The following SDK1 variants were observed in gnomAD, a reference collection of about 807,000 sequenced individuals.
SDK1 encodes protein sidekick-1.
SDK1 carries 157 observed loss-of-function variants against 245.5 expected under a neutral mutation model. The observed-to-expected ratio is 0.64, with a 90% CI of 0.56 to 0.73. The LOEUF is 0.73. Ranked by LOEUF, SDK1 falls within the 30% of genes least tolerant of loss-of-function variation. The probability of loss-of-function intolerance (pLI) is 0.00; values close to 1 mark genes in which losing one functional copy is unlikely to be tolerated. For missense variants in SDK1, 3,583 were observed against 3,002.3 expected, an observed-to-expected ratio of 1.19 and a Z score of -4.52; for synonymous variants, 1,647 against 1,278.5, an observed-to-expected ratio of 1.29 and a Z score of -6.15.
chr7:3,778,520 G>C (rs1165530948), intron 4 of SDK1, among the ~76,000 whole-genome samples: 2 of 152,184 alleles, frequency 1.3e-5, no homozygotes, highest in Non-Finnish European at 2.9e-5. Flanking sequence ...TCATCTAACA[G>C]TTATTTCTAC....
At chr7:3,841,429 G>A (rs181734200) in intron 5 of SDK1, among the ~76,000 whole-genome samples, 2 of 152,216 alleles carry the variant, frequency 1.3e-5, no homozygotes, top group African/African-American at 4.8e-5. Flanking sequence ...TTGCTTGGCA[G>A]CACAGAACTG....
intron 41 of SDK1, among the ~76,000 whole-genome samples, chr7:4,237,253 A>G (rs1051303143): frequency 6.6e-6 from 1 of 151,750 alleles, no homozygotes; most frequent in Non-Finnish European, 1.5e-5. Flanking sequence ...ATCTCACTAC[A>G]TTGCACTGGA....
At position 3,678,286 on chromosome 7, in the gene SDK1, T is replaced by G. The variant is rs73043770; in HGVS notation, c.713+36181T>G. On this transcript the variant is annotated intron_variant, in intron 4 of 44. Transcript: ENST00000404826. ...CATCTAGGTATATACCCCAAATAAT[T>G]GAAAGCAGAGACCTAAACAGACCTT... Among the ~76,000 whole-genome samples the G allele has an allele frequency of 2.0e-4, 30 of 152,198 alleles. No individual in the cohort carries two copies. In the South Asian group the frequency reaches 5.2e-3, roughly 26 times the overall value.
chr7:3,523,787 T>C (rs1783024925), intron 1 of SDK1, among the ~76,000 whole-genome samples: 1 of 152,252 alleles, frequency 6.6e-6, no homozygotes. Flanking sequence ...GGTTAATTTT[T>C]TAAATATTCT....
At chr7:3,808,542 G>A (rs996705727) in intron 4 of SDK1, among the ~76,000 whole-genome samples, 8 of 152,202 alleles carry the variant, frequency 5.3e-5, no homozygotes, top group South Asian at 4.1e-4. Context: ...GACCTGCACC[G>A]TGAGGCAGAA....
intron 5 of SDK1, among the ~76,000 whole-genome samples, chr7:3,847,998 G>A (rs189018971): frequency 1.7e-3 from 266 of 152,228 alleles, no homozygotes; most frequent in Middle Eastern, 6.8e-3. Context: ...TGCAACATAC[G>A]TATCACATCT....
chr7:3,619,258 A>C lies in SDK1; in HGVS notation c.458+19A>C, dbSNP rs1781862468. On this transcript the variant is annotated intron_variant, in intron 2 of 44. Transcript: ENST00000404826. ...AATATAAGTAATTGATCGCTTGAAAAAATAAGATCCCATTTCAGTTGATGT... is the reference window on the plus strand; with the variant it reads ...AATATAAGTAATTGATCGCTTGAAACAATAAGATCCCATTTCAGTTGATGT... 1.3e-6 allele frequency: 2 copies of C among 1,588,998 alleles called. No individual in the cohort carries two copies. The highest frequency in any genetic ancestry group is 1.7e-4 in the Middle Eastern group (1 of 6,000).
Position 3,957,239 on chromosome 7 carries a change from G to A in SDK1, c.1151-1692G>A, listed in dbSNP as rs571712015. Among the ~76,000 whole-genome samples the A allele has an allele frequency of 1.7e-3, 259 of 152,306 alleles. 1 individual carries two copies. The highest frequency in any genetic ancestry group is 6.0e-3 in the African/African-American group (248 of 41,560). On this transcript the variant is annotated intron_variant, in intron 7 of 44. Coordinates refer to ENST00000404826, the MANE Select transcript of SDK1 (RefSeq NM_152744.4). Reference sequence around the variant, plus strand: ...CTGATGGACACGTGGACCTACACACGTAATAATGTTGCATGGGACGTGCAT... The same window carrying A: ...CTGATGGACACGTGGACCTACACACATAATAATGTTGCATGGGACGTGCAT...
intron 25 of SDK1, among the ~76,000 whole-genome samples, chr7:4,120,882 C>T (rs560246811): frequency 8.7e-5 from 13 of 150,106 alleles, no homozygotes; most frequent in South Asian, 2.1e-4. Context: ...TCCCAAGGTG[C>T]TGGGATTACA....
At chr7:3,418,145 G>GCAAAAAAAAAAAGAAAAAAA (rs1292199670) in intron 1 of SDK1, among the ~76,000 whole-genome samples, 1 of 119,726 alleles carries the variant, frequency 8.4e-6, no homozygotes, top group African/African-American at 3.9e-5. Context: ...TACTAAAAAT[G>GCAAAAAAAAAAAGAAAAAAA]AAAAAAAAAA....
intron 5 of SDK1, among the ~76,000 whole-genome samples, chr7:3,874,523 C>A (rs977665037): frequency 2.0e-5 from 3 of 152,136 alleles, no homozygotes; most frequent in Non-Finnish European, 4.4e-5. Context: ...GACAAGTGTT[C>A]CTGCTCCTTC....
intron 1 of SDK1, among the ~76,000 whole-genome samples, chr7:3,537,958 G>C (rs542987153): frequency 6.6e-6 from 1 of 152,348 alleles, no homozygotes; most frequent in East Asian, 1.9e-4. Flanking sequence ...TGCTCCTCCA[G>C]GGTGGAGAGG....
intron 16 of SDK1, 58 bp from the exon 17 acceptor site, chr7:4,017,113 A>G: frequency 1.3e-6 from 2 of 1,513,982 alleles, no homozygotes; most frequent in Non-Finnish European, 1.8e-6. Context: ...ACTGCGGGTA[A>G]ACACCGTTCC....
chr7:3,543,884 A>T (rs994008174), intron 1 of SDK1, among the ~76,000 whole-genome samples: 2 of 152,232 alleles, frequency 1.3e-5, no homozygotes, highest in African/African-American at 2.4e-5. Context: ...TTGATAGTAC[A>T]AACACCAACA....
intron 44 of SDK1, among the ~76,000 whole-genome samples, chr7:4,262,715 C>A (rs1243038356): frequency 7.2e-6 from 1 of 138,586 alleles, no homozygotes; most frequent in Non-Finnish European, 1.6e-5. Context: ...TCACCTCCCC[C>A]ATCCCCTCCC....
chr7:4,110,829 G>A, intron 23 of SDK1, 57 bp downstream of exon 23: 2 of 1,222,574 alleles, frequency 1.6e-6, no homozygotes, highest in South Asian at 1.2e-5. Context: ...CCAGGCAGGT[G>A]CCTTCTGTTG....
intron 5 of SDK1, among the ~76,000 whole-genome samples, chr7:3,864,002 C>T (rs746554238): frequency 2.0e-5 from 3 of 152,176 alleles, no homozygotes; most frequent in Non-Finnish European, 2.9e-5. Flanking sequence ...TTTGGGGACA[C>T]ATCATACTGT....
chr7:3,903,357 A>C (rs763549797), intron 5 of SDK1, among the ~76,000 whole-genome samples: 18 of 151,948 alleles, frequency 1.2e-4, no homozygotes, highest in Non-Finnish European at 1.9e-4. Flanking sequence ...GTTAGCCAGG[A>C]TGGTCTCGAT....
chr7:4,265,451 A>T lies in SDK1; in HGVS notation c.*67A>T. On this transcript the variant is annotated 3_prime_UTR_variant, in exon 45 of 45. Transcript: ENST00000404826. ...TTCCGGAGTCTATTTTTGTTAAGAC[A>T]ATCAACTCCAATAACTGAGCTGAAG... 1 of 1,394,108 alleles carries T rather than the reference A, an allele frequency of 7.2e-7. No homozygotes were observed. The highest frequency in any genetic ancestry group is 1.6e-5 in the South Asian group (1 of 62,756). 86.4% of individuals were successfully genotyped at this position (1,394,108 alleles called of 1,614,324 possible).
Sources: gnomAD v4.1 joint callset for allele counts (sites outside exome capture counted in the v4.1 genomes callset) on GRCh38, gnomAD v4.1.1 for gene constraint, MANE v1.5 for transcripts, NCBI Gene and HGNC (gene_info 2026-07-23, HGNC 2026-07-21) for gene names.